Variants in VWA3A observed in about 807,000 individuals in gnomAD.
VWA3A encodes von Willebrand factor A domain containing 3A.
In VWA3A, 134 loss-of-function variants were observed where a neutral mutation model predicts 160.4. The observed-to-expected ratio is 0.84, with a 90% CI of 0.73 to 0.96. VWA3A has a LOEUF of 0.96. Among genes scored for constraint, VWA3A ranks in the 40% least tolerant of loss-of-function variants. The pLI, the probability that VWA3A is intolerant of heterozygous loss-of-function variation, is 0.00. For synonymous variants in VWA3A, 476 were observed against 543.4 expected, an observed-to-expected ratio of 0.88 and a Z score of 1.72; for missense variants, 1,310 against 1,447.9, an observed-to-expected ratio of 0.90 and a Z score of 1.55.
intron 17 of VWA3A, among the ~76,000 whole-genome samples, chr16:22,128,902 G>A (rs148211898): frequency 1.3e-5 from 2 of 152,104 alleles, no homozygotes; most frequent in African/African-American, 4.8e-5. Flanking sequence ...ACACATAAAG[G>A]GGAACAACAC....
Position 22,150,702 on chromosome 16 carries a change from T to C in VWA3A, c.3137T>C (p.Phe1046Ser), listed in dbSNP as rs1439854999. 1.9e-6 allele frequency: 3 copies of C among 1,608,122 alleles called. No individual in the cohort carries two copies. The South Asian group carries it at 3.3e-5, about 18-fold the overall frequency. Residue 1046 changes from phenylalanine (F) to serine (S), a missense_variant, in exon 30 of 34, where the codon TTC becomes TCC. Phe to Ser is a radical substitution (Grantham distance 155). Coordinates refer to ENST00000389398, the MANE Select transcript of VWA3A (RefSeq NM_173615.5). ...CTTCCTGCGTTCTTTCAGAAAGCTTTCAGTTTCCATGATCTGGAAGGATTG... is the reference window on the plus strand; with the variant it reads ...CTTCCTGCGTTCTTTCAGAAAGCTTCCAGTTTCCATGATCTGGAAGGATTG... The part of the protein sequence containing the change: ...TSILQALLKA[F>S]SFHDLEGLYL...
At chr16:22,104,680 T>A (rs1332088570) in intron 6 of VWA3A, among the ~76,000 whole-genome samples, 2 of 149,462 alleles carry the variant, frequency 1.3e-5, no homozygotes, top group East Asian at 1.9e-4. Context: ...ACTTGTCTTT[T>A]AAAAAAAAAA....
chr16:22,096,606 A>G (rs2141825556), intron 1 of VWA3A, among the ~76,000 whole-genome samples: 1 of 152,294 alleles, frequency 6.6e-6, no homozygotes. Context: ...TTAGCTGGGC[A>G]TAGTGGCTTG....
At position 22,115,362 on chromosome 16, in the gene VWA3A, G is replaced by A. The variant is rs1307530460; in HGVS notation, c.705G>A (p.Lys235=). ...EVSASTLQEL[K]LWVKTLQPDG... ...CTCCTCCCAGCCTCCAGGAACTTAA[G>A]CTCTGGGTAAAGACGCTGCAGCCTG... The change falls in exon 9 of 34, where the codon AAG becomes AAA. Residue 235 remains lysine (K), a synonymous_variant. Coordinates refer to ENST00000389398, the MANE Select transcript of VWA3A (RefSeq NM_173615.5). The A allele has an allele frequency of 1.3e-6, 2 of 1,598,702 alleles. No homozygotes were observed. The highest frequency in any genetic ancestry group is 1.1e-5 in the South Asian group (1 of 88,238).
Position 22,109,468 on chromosome 16 carries a change from C to A in VWA3A, c.484-14C>A. ...CTTGCACTGGCTGTTTCCAAATGCC[C>A]TCTTTGGTTTTAGGCATTTGGCCTC... On this transcript the variant is annotated splice_polypyrimidine_tract_variant and intron_variant, in intron 6 of 33. Transcript: ENST00000389398. 1 of 1,575,402 alleles carries A rather than the reference C, an allele frequency of 6.3e-7. No homozygotes were observed. The highest frequency in any genetic ancestry group is 1.2e-5 in the South Asian group (1 of 86,214).
chr16:22,136,139 A>C (rs567340374), intron 21 of VWA3A, among the ~76,000 whole-genome samples: 2 of 152,306 alleles, frequency 1.3e-5, no homozygotes, highest in South Asian at 4.1e-4. Context: ...AGAGGAGTTG[A>C]GCAGGACAAG....
chr16:22,152,374 A>G (rs1201447068), intron 30 of VWA3A, 137 bp from the exon 31 acceptor site: 3 of 1,161,454 alleles, frequency 2.6e-6, no homozygotes, highest in East Asian at 2.6e-5. Flanking sequence ...GGTGGTCTCC[A>G]TGGGACAAGC....
chr16:22,112,623 G>T (rs1285755355), intron 8 of VWA3A, among the ~76,000 whole-genome samples: 5 of 152,210 alleles, frequency 3.3e-5, no homozygotes, highest in Admixed American at 6.5e-5. Flanking sequence ...GGAGGCTAAG[G>T]TGGGAGGTTT....
intron 6 of VWA3A, 52 bp from the exon 7 acceptor site, chr16:22,109,430 G>A (rs2045523706): frequency 7.0e-7 from 1 of 1,437,506 alleles, no homozygotes; most frequent in South Asian, 1.2e-5. Context: ...GCTCAGTGTA[G>A]GAGACACACA....
Position 22,132,930 on chromosome 16 carries a change from T to C in VWA3A, c.1903T>C (p.Cys635Arg). The part of the protein sequence containing the change: ...PTLSAYMAEA[C>R]GGCDLQLNVC... ...ACTCAGTGCCTACATGGCTGAGGCCTGTGGCGGCTGCGACCTCCAGCTGAA... is the reference window on the plus strand; with the variant it reads ...ACTCAGTGCCTACATGGCTGAGGCCCGTGGCGGCTGCGACCTCCAGCTGAA... Residue 635 changes from cysteine (C) to arginine (R), a missense_variant, in exon 20 of 34, where the codon TGT becomes CGT. By Grantham distance (180) the Cys-to-Arg change is radical. Coordinates refer to ENST00000389398, the MANE Select transcript of VWA3A (RefSeq NM_173615.5). 1 of 1,613,772 alleles carries C rather than the reference T, an allele frequency of 6.2e-7. No individual in the cohort carries two copies. Among genetic ancestry groups the C allele is most frequent in the Non-Finnish European group, 8.5e-7 (1 of 1,179,872 alleles).
At chr16:22,127,409 A>G (rs2045869853) in intron 17 of VWA3A, among the ~76,000 whole-genome samples, 1 of 152,174 alleles carries the variant, frequency 6.6e-6, no homozygotes, top group Admixed American at 6.6e-5. Flanking sequence ...TACAGGCTTG[A>G]GCCACTGAGC....
Position 22,124,679 on chromosome 16 carries a change from C to A in VWA3A, c.1532+972C>A, listed in dbSNP as rs558296409. Among the ~76,000 whole-genome samples the A allele has an allele frequency of 4.0e-5, 6 of 151,898 alleles. No homozygotes were observed. The East Asian group carries it at 1.2e-3, about 29-fold the overall frequency. The stretch of plus-strand genomic sequence containing the variant: ...ATCATGTTAGGATTGCAGGCATGAG[C>A]CACCGCACCTGGCCACTATACATCT... On this transcript the variant is annotated intron_variant, in intron 16 of 33. Coordinates refer to ENST00000389398, the MANE Select transcript of VWA3A (RefSeq NM_173615.5).
intron 17 of VWA3A, among the ~76,000 whole-genome samples, chr16:22,129,845 G>T (rs749824546): frequency 1.3e-5 from 2 of 152,114 alleles, no homozygotes; most frequent in Admixed American, 6.6e-5. Flanking sequence ...GAAAACAAGA[G>T]AGAAAGGTGT....
chr16:22,137,740 A>T (rs1050823513), intron 21 of VWA3A, among the ~76,000 whole-genome samples: 3 of 152,154 alleles, frequency 2.0e-5, no homozygotes, highest in Non-Finnish European at 4.4e-5. Context: ...GGAGATGAAG[A>T]AGCTGTGTTC....
chr16:22,128,894 A>T (rs2045898129), intron 17 of VWA3A, among the ~76,000 whole-genome samples: 1 of 152,182 alleles, frequency 6.6e-6, no homozygotes, highest in African/African-American at 2.4e-5. Flanking sequence ...ACACATGGAC[A>T]CATAAAGGGG....
At chr16:22,149,968 C>T (rs1485916781) in intron 29 of VWA3A, 37 bp downstream of exon 29, 1 of 1,572,934 alleles carries the variant, frequency 6.4e-7, no homozygotes, top group Admixed American at 1.7e-5. Context: ...TGACGCAAAA[C>T]AAATACCATC....
chr16:22,094,963 G>A (rs1369388386), intron 1 of VWA3A, among the ~76,000 whole-genome samples: 11 of 135,524 alleles, frequency 8.1e-5, no homozygotes, highest in South Asian at 2.5e-4. Context: ...GCAAGACTCC[G>A]TCTCAAAAAA....
rs1567524084 is a variant in VWA3A at position 22,096,875 on chromosome 16, T to G, written c.31T>G (p.Cys11Gly). The change falls in exon 2 of 34, where the codon TGT (cysteine) becomes GGT (glycine). Residue 11 changes from cysteine to glycine, a missense_variant. Physicochemically the swap from Cys to Gly is radical, Grantham distance 159. Transcript: ENST00000389398. MKKYRKISIGCFAMATQTSHV... is the reference protein window; with the variant it reads MKKYRKISIGGFAMATQTSHV... ...CTTCTTTAGGAAAATAAGCATTGGG[T>G]GTTTTGCAATGGCTACACAAACTAG... 1 of 1,548,174 alleles carries G rather than the reference T, an allele frequency of 6.5e-7. No homozygotes were observed. Among genetic ancestry groups the G allele is most frequent in the Non-Finnish European group, 8.7e-7 (1 of 1,144,018 alleles).
chr16:22,143,941 T>C (rs1447133084), intron 25 of VWA3A, among the ~76,000 whole-genome samples: 2 of 151,800 alleles, frequency 1.3e-5, no homozygotes, highest in Non-Finnish European at 2.9e-5. Flanking sequence ...GGTTTCACCA[T>C]GTTGGCCAGG....
Sources: allele counts gnomAD v4.1 joint callset (sites outside exome capture counted in the v4.1 genomes callset), GRCh38; gene constraint gnomAD v4.1.1; transcripts MANE v1.5; gene names NCBI Gene and HGNC (gene_info 2026-07-23, HGNC 2026-07-21).